NDUFA10: variants seen among roughly 807,000 people sequenced by gnomAD.
NDUFA10 encodes the protein NADH:ubiquinone oxidoreductase subunit A10.
In NDUFA10, 40 loss-of-function variants were observed where a neutral mutation model predicts 47.8. The observed-to-expected ratio is 0.84, with a 90% CI of 0.65 to 1.09. NDUFA10 has a LOEUF of 1.09. NDUFA10 is among the 50% of genes least tolerant of loss of function. The pLI is 0.00. For missense variants in NDUFA10, 413 were observed against 451.1 expected, an observed-to-expected ratio of 0.92 and a Z score of 0.76; for synonymous variants, 183 against 172.2, an observed-to-expected ratio of 1.06 and a Z score of -0.49.
intron 4 of NDUFA10, among the ~76,000 whole-genome samples, chr2:239,915,905 A>G (rs1271697242): frequency 6.7e-6 from 1 of 150,148 alleles, no homozygotes; most frequent in Admixed American, 6.6e-5. Flanking sequence ...AGAGATACAC[A>G]TACACACACA....
chr2:240,009,211 T>C (rs1336896112), intron 6 of NDUFA10, among the ~76,000 whole-genome samples: 1 of 152,246 alleles, frequency 6.6e-6, no homozygotes. Flanking sequence ...CATGTCAGGC[T>C]GGTCACTCAG....
At chr2:239,946,640 C>A (rs1346362152) in intron 4 of NDUFA10, among the ~76,000 whole-genome samples, 1 of 152,250 alleles carries the variant, frequency 6.6e-6, no homozygotes, top group Non-Finnish European at 1.5e-5. Context: ...CACATTAAAG[C>A]TTTGAGTTCA....
At chr2:239,904,400 C>T (rs1396969734) in intron 4 of NDUFA10, among the ~76,000 whole-genome samples, 2 of 152,146 alleles carry the variant, frequency 1.3e-5, no homozygotes, top group Non-Finnish European at 2.9e-5. Context: ...TGGGTTCAAG[C>T]GATTATCCTG....
chr2:240,025,226 C>G lies in NDUFA10; in HGVS notation c.75+1G>C, dbSNP rs1368694986. The G allele has an allele frequency of 6.7e-7, 1 of 1,492,132 alleles. No homozygotes were observed. Among genetic ancestry groups the G allele is most frequent in the South Asian group, 1.3e-5 (1 of 79,272 alleles). 92.4% of individuals were successfully genotyped at this position (1,492,132 alleles called of 1,614,324 possible). Reference sequence around the variant, plus strand: ...ACCCTGCCACCCCGCCGCCCGCTCACCACGCGCTGGGCGCCCGCCGCCACG... The same window carrying G: ...ACCCTGCCACCCCGCCGCCCGCTCAGCACGCGCTGGGCGCCCGCCGCCACG... On this transcript the variant is annotated splice_donor_variant, in intron 1 of 9. Transcript: ENST00000252711. LOFTEE classifies it high-confidence loss of function.
intron 4 of NDUFA10, among the ~76,000 whole-genome samples, chr2:239,920,010 T>C (rs564619830): frequency 2.0e-5 from 3 of 152,266 alleles, no homozygotes; most frequent in South Asian, 2.1e-4. Flanking sequence ...ACCTGTGAGA[T>C]TGGGGGCCCC....
chr2:239,967,133 A>T (rs908074558), intron 9 of NDUFA10, among the ~76,000 whole-genome samples: 21 of 152,230 alleles, frequency 1.4e-4, no homozygotes, highest in Non-Finnish European at 2.9e-5. Context: ...AAGGAAAAAC[A>T]ATAAACAGAG....
At chr2:240,006,840 C>T (rs1696966497) in intron 7 of NDUFA10, among the ~76,000 whole-genome samples, 1 of 152,148 alleles carries the variant, frequency 6.6e-6, no homozygotes, top group Non-Finnish European at 1.5e-5. Context: ...TTACTACAAT[C>T]GTATAGTTTG....
rs1420727673 is a variant in NDUFA10, at chr2:239,958,883, G to C, written c.*2235C>G. 3.2e-6 allele frequency: 3 copies of C among 939,154 alleles called. No individual in the cohort carries two copies. Among genetic ancestry groups the C allele is most frequent in the Non-Finnish European group, 3.8e-6 (3 of 787,958 alleles). The allele number at this position is 939,154 out of a possible 1,614,324, so 58.2% of individuals were successfully genotyped here. A position where few individuals can be genotyped will look rare whatever the true frequency, so the allele number is the denominator to read the frequency against. On this transcript the variant is annotated 3_prime_UTR_variant, in exon 10 of 10. Coordinates refer to ENST00000252711, the MANE Select transcript of NDUFA10 (RefSeq NM_004544.4). Reference sequence around the variant, plus strand: ...ATTATTTCCTGATCTCCAAAGCACTGAGAAGTCCAACATGGAATCCTGGAA... The same window carrying C: ...ATTATTTCCTGATCTCCAAAGCACTCAGAAGTCCAACATGGAATCCTGGAA...
chr2:239,895,620 TTA>T (rs1420868296), intron 4 of NDUFA10, among the ~76,000 whole-genome samples: 4 of 152,268 alleles, frequency 2.6e-5, no homozygotes, highest in African/African-American at 4.8e-5. Context: ...ATTTCAATTT[TTA>T]TGTTTTAGCT....
At chr2:239,950,416 C>T (rs1694531806) in intron 4 of NDUFA10, among the ~76,000 whole-genome samples, 1 of 152,254 alleles carries the variant, frequency 6.6e-6, no homozygotes, top group Non-Finnish European at 1.5e-5. Context: ...GTCCACCAAG[C>T]TGCCCCCTCG....
At chr2:239,904,989 G>A (rs1051704588) in intron 4 of NDUFA10, among the ~76,000 whole-genome samples, 2 of 152,280 alleles carry the variant, frequency 1.3e-5, no homozygotes, top group African/African-American at 2.4e-5. Context: ...ACCTGTCATT[G>A]GGAAGCCCTA....
At chr2:239,950,762 C>T (rs918979791) in intron 4 of NDUFA10, among the ~76,000 whole-genome samples, 1 of 152,212 alleles carries the variant, frequency 6.6e-6, no homozygotes, top group Non-Finnish European at 1.5e-5. Flanking sequence ...TCCCCGTGGT[C>T]GGCTGTGCAG....
Position 239,961,249 on chromosome 2 carries a change from A to G in NDUFA10, c.1000-63T>C, listed in dbSNP as rs1327312785. ...GTGAATGAATGTTTCCCCAGCTCATAGTTCAATGTCTACCCGGCAGATGCC... is the reference window on the plus strand; with the variant it reads ...GTGAATGAATGTTTCCCCAGCTCATGGTTCAATGTCTACCCGGCAGATGCC... On this transcript the variant is annotated intron_variant, in intron 9 of 9. Coordinates refer to ENST00000252711, the MANE Select transcript of NDUFA10 (RefSeq NM_004544.4). The G allele has an allele frequency of 2.5e-6, 4 of 1,612,422 alleles. No homozygotes were observed. In the Admixed American group the frequency reaches 6.7e-5, roughly 27 times the overall value.
At chr2:239,924,518 A>T (rs1269100367) in intron 4 of NDUFA10, among the ~76,000 whole-genome samples, 2 of 152,134 alleles carry the variant, frequency 1.3e-5, no homozygotes, top group African/African-American at 4.8e-5. Flanking sequence ...GATGTTAAAA[A>T]AAAACCTCTC....
At chr2:239,935,940 C>T (rs767161330) in intron 4 of NDUFA10, among the ~76,000 whole-genome samples, 13 of 152,228 alleles carry the variant, frequency 8.5e-5, no homozygotes, top group Non-Finnish European at 1.8e-4. Context: ...AACAGACTAA[C>T]ACACAGGGAA....
chr2:240,018,628 C>A lies in NDUFA10; in HGVS notation c.472G>T (p.Val158Leu), dbSNP rs778157424. 4 of 1,614,166 alleles carry A rather than the reference C, an allele frequency of 2.5e-6. 1 individual carries two copies. The South Asian group carries it at 4.4e-5, about 18-fold the overall frequency. ...TCACTGAAGATGGAGCGCTCCAACACAACACCTTGTCCTGTTTAAACATAG... is the reference window on the plus strand; with the variant it reads ...TCACTGAAGATGGAGCGCTCCAACAAAACACCTTGTCCTGTTTAAACATAG... The part of the protein sequence containing the change: ...EHLLTTGQGV[V>L]LERSIFSDFV... The change falls in exon 4 of 10, where the codon GTG (valine) becomes TTG (leucine). Residue 158 changes from valine to leucine, a missense_variant. By Grantham distance (32) the Val-to-Leu change is conservative (BLOSUM62 1). Coordinates refer to ENST00000252711, the MANE Select transcript of NDUFA10 (RefSeq NM_004544.4).
chr2:239,985,685 A>G (rs1387638029), intron 9 of NDUFA10, among the ~76,000 whole-genome samples: 1 of 152,160 alleles, frequency 6.6e-6, no homozygotes. Flanking sequence ...CAAGGCAGGC[A>G]GATCACCTGA....
intron 4 of NDUFA10, among the ~76,000 whole-genome samples, chr2:239,907,472 G>A (rs1693675693): frequency 1.3e-5 from 2 of 152,160 alleles, no homozygotes; most frequent in South Asian, 4.1e-4. Context: ...CCTACAAAAT[G>A]GGAGAAAGTT....
intron 4 of NDUFA10, among the ~76,000 whole-genome samples, chr2:239,896,816 A>T (rs1230308626): frequency 6.6e-6 from 1 of 152,204 alleles, no homozygotes; most frequent in African/African-American, 2.4e-5. Flanking sequence ...TTGGGATTTG[A>T]TGTATTTTAG....
Sources: gnomAD v4.1 joint callset for allele counts (sites outside exome capture counted in the v4.1 genomes callset) on GRCh38, gnomAD v4.1.1 for gene constraint, MANE v1.5 for transcripts, NCBI Gene and HGNC (gene_info 2026-07-23, HGNC 2026-07-21) for gene names.